The following PRUNE2 variants were observed in gnomAD, a reference collection of about 807,000 sequenced individuals.
PRUNE2 encodes the protein protein prune homolog 2.
Under a neutral mutation model 252.0 loss-of-function variants are expected in PRUNE2, and 164 were observed. The ratio of observed to expected loss-of-function variants is 0.65; its 90% CI spans 0.57 to 0.74. The LOEUF (loss-of-function observed/expected upper bound fraction) is 0.74. PRUNE2 is among the 30% of genes least tolerant of loss of function. The pLI is 0.00. For missense variants in PRUNE2, 3,495 were observed against 3,711.0 expected, an observed-to-expected ratio of 0.94 and a Z score of 1.51; for synonymous variants, 1,292 against 1,350.2, an observed-to-expected ratio of 0.96 and a Z score of 0.94.
Position 76,708,049 on chromosome 9 carries a change from T to C in PRUNE2, c.4225A>G (p.Asn1409Asp), listed in dbSNP as rs1348712289. ...EVLEYEEGSYNLDSRDVQTGM... is the reference protein window; with the variant it reads ...EVLEYEEGSYDLDSRDVQTGM... ...GTTTGCACATCACGGGAGTCTAGAT[T>C]GTAAGACCCCTCCTCATACTCTAAA... Residue 1409 changes from asparagine to aspartate, a missense_variant, in exon 8 of 19, where the codon AAT becomes GAT. Physicochemically the swap from Asn to Asp is conservative, Grantham distance 23. Transcript: ENST00000376718. The C allele has an allele frequency of 6.2e-7, 1 of 1,614,000 alleles. No individual in the cohort carries two copies. Among genetic ancestry groups the C allele is most frequent in the Non-Finnish European group, 8.5e-7 (1 of 1,179,894 alleles).
At chr9:76,731,028 C>T (rs1370018472) in intron 6 of PRUNE2, among the ~76,000 whole-genome samples, 1 of 152,062 alleles carries the variant, frequency 6.6e-6, no homozygotes, top group Non-Finnish European at 1.5e-5. Context: ...TGCAGGATCT[C>T]AATATGATAG....
chr9:76,713,713 T>TA lies in PRUNE2; in HGVS notation c.764dup (p.Phe256IlefsTer8), dbSNP rs756726807. 1.1e-5 allele frequency: 18 copies of TA among 1,591,620 alleles called. No individual in the cohort carries two copies. Among genetic ancestry groups the TA allele is most frequent in the Non-Finnish European group, 1.5e-5 (17 of 1,168,556 alleles). On this transcript the variant is annotated frameshift_variant, in exon 7 of 19. Transcript: ENST00000376718. LOFTEE classifies it high-confidence loss of function. ...AGTCACTGGTAATATTGCTGTGAAA[T>TA]AGACAATTCTGAAACGACAACAGGA...
rs541648177 is a variant in PRUNE2, at chr9:76,760,734, A to C, written c.757-47013T>G. Among the ~76,000 whole-genome samples, 3 of 152,276 alleles carry C rather than the reference A, an allele frequency of 2.0e-5. No individual in the cohort carries two copies. In the South Asian group the frequency reaches 6.2e-4, roughly 32 times the overall value. ...ACTCACTCTACTTCAACCAAGCCGA[A>C]AACCCTGGCTCTCTACATGCATCTT... On this transcript the variant is annotated intron_variant, in intron 6 of 18. Coordinates refer to ENST00000376718, the MANE Select transcript of PRUNE2 (RefSeq NM_015225.3).
At chr9:76,654,699 T>TA (rs1314271358) in intron 10 of PRUNE2, among the ~76,000 whole-genome samples, 1 of 152,230 alleles carries the variant, frequency 6.6e-6, no homozygotes, top group African/African-American at 2.4e-5. Context: ...CAAATAAACA[T>TA]ACTGTGGTTA....
At chr9:76,892,775 A>T (rs2062563366) in intron 1 of PRUNE2, among the ~76,000 whole-genome samples, 1 of 152,146 alleles carries the variant, frequency 6.6e-6, no homozygotes, top group Non-Finnish European at 1.5e-5. Flanking sequence ...TTTAGTTTTA[A>T]TTTTTTCTTT....
intron 9 of PRUNE2, among the ~76,000 whole-genome samples, chr9:76,693,734 G>A (rs1409667688): frequency 1.3e-5 from 2 of 152,110 alleles, no homozygotes; most frequent in African/African-American, 2.4e-5. Context: ...GAGCCACTGC[G>A]CCCGGCCTTA....
chr9:76,746,707 G>A (rs1447916333), intron 6 of PRUNE2, among the ~76,000 whole-genome samples: 13 of 56,626 alleles, frequency 2.3e-4, no homozygotes, highest in Admixed American at 3.3e-4. Flanking sequence ...GCGAGACTCC[G>A]TCTCAAAAAA....
In PRUNE2 at chr9:76,707,612, T is replaced by C; in HGVS notation, c.4662A>G (p.Ser1554=). The C allele has an allele frequency of 6.2e-7, 1 of 1,613,972 alleles. No homozygotes were observed. The highest frequency in any genetic ancestry group is 8.5e-7 in the Non-Finnish European group (1 of 1,179,878). Residue 1554 remains serine (S), a synonymous_variant, in exon 8 of 19, where the codon TCA becomes TCG. Transcript: ENST00000376718. ...SASSPELNDS[S]VALSSWGQQP... ...GCTGGCCCCAGGAGGACAGTGCAAC[T>C]GAAGAGTCATTTAACTCAGGACTTG...
At chr9:76,781,261 C>A (rs2054362172) in intron 6 of PRUNE2, among the ~76,000 whole-genome samples, 1 of 152,102 alleles carries the variant, frequency 6.6e-6, no homozygotes, top group South Asian at 2.1e-4. Flanking sequence ...AGTGGCTTCC[C>A]TTGAACTTAA....
At chr9:76,769,102 T>G (rs575295068) in intron 6 of PRUNE2, among the ~76,000 whole-genome samples, 2 of 152,332 alleles carry the variant, frequency 1.3e-5, no homozygotes, top group East Asian at 3.9e-4. Context: ...TTGAGAGATA[T>G]TCTTAGAATC....
rs114207355 is a variant in PRUNE2 at position 76,866,089 on chromosome 9, T to C, written c.37-11881A>G. ...AAATATCTCAAGCAGTGTGTACAGG[T>C]ACACTATTGAACTCTACCAAAACAT... On this transcript the variant is annotated intron_variant, in intron 1 of 18. Transcript: ENST00000376718. Among the ~76,000 whole-genome samples, 1,363 of 152,338 alleles carry C rather than the reference T, an allele frequency of 8.9e-3. 27 individuals carry two copies. Among genetic ancestry groups the C allele is most frequent in the African/African-American group, 0.032 (1,310 of 41,578 alleles).
chr9:76,700,703 TG>T (rs1465374685), intron 9 of PRUNE2, among the ~76,000 whole-genome samples: 1 of 152,232 alleles, frequency 6.6e-6, no homozygotes, highest in Non-Finnish European at 1.5e-5. Flanking sequence ...AATATTCTCA[TG>T]GGCTCCTTAA....
chr9:76,786,162 G>C (rs985439210), intron 6 of PRUNE2: 1 of 152,176 alleles, frequency 6.6e-6, no homozygotes, highest in Non-Finnish European at 1.5e-5. Flanking sequence ...CATTTACCAG[G>C]TTTGGAGAGG....
intron 6 of PRUNE2, among the ~76,000 whole-genome samples, chr9:76,763,044 G>A (rs764326384): frequency 5.9e-5 from 9 of 152,024 alleles, no homozygotes; most frequent in African/African-American, 1.4e-4. Flanking sequence ...CTCCCACCTC[G>A]TGCACCATCT....
chr9:76,708,134 T>C lies in PRUNE2; in HGVS notation c.4140A>G (p.Ser1380=). Reference sequence around the variant, plus strand: ...TGACAGCAAGAGAGCTGATTTTGCCTGATTTAATGCAGATTTCCTGATGTT... The same window carrying C: ...TGACAGCAAGAGAGCTGATTTTGCCCGATTTAATGCAGATTTCCTGATGTT... ...ASEHQEICIK[S]GKISSLAVTF... is the part of the protein sequence containing the mutation. The change falls in exon 8 of 19, where the codon TCA becomes TCG. Residue 1380 remains serine, a synonymous_variant. Coordinates refer to ENST00000376718, the MANE Select transcript of PRUNE2 (RefSeq NM_015225.3). The C allele has an allele frequency of 6.2e-7, 1 of 1,613,996 alleles. No homozygotes were observed. The highest frequency in any genetic ancestry group is 1.3e-5 in the African/African-American group (1 of 75,046).
At chr9:76,628,444 G>A (rs541251181) in intron 16 of PRUNE2, among the ~76,000 whole-genome samples, 16 of 152,264 alleles carry the variant, frequency 1.1e-4, no homozygotes, top group African/African-American at 3.8e-4. Context: ...AAGAAACAGA[G>A]AAAGAGTTAT....
intron 1 of PRUNE2, among the ~76,000 whole-genome samples, chr9:76,873,227 T>G (rs1387534723): frequency 1.3e-5 from 2 of 152,194 alleles, no homozygotes; most frequent in African/African-American, 4.8e-5. Context: ...TTTGGTGGTT[T>G]GTTATATCAG....
intron 4 of PRUNE2, among the ~76,000 whole-genome samples, chr9:76,830,975 G>T (rs1285013823): frequency 1.3e-5 from 2 of 150,772 alleles, no homozygotes; most frequent in African/African-American, 2.4e-5. Flanking sequence ...TGTTGCCCAG[G>T]CTGGAGTGCA....
intron 1 of PRUNE2, among the ~76,000 whole-genome samples, chr9:76,875,684 T>C (rs570084129): frequency 2.0e-5 from 3 of 151,244 alleles, no homozygotes; most frequent in Non-Finnish European, 4.4e-5. Context: ...TTTAGCCACC[T>C]GTGTGAGTCC....
Sources: allele counts gnomAD v4.1 joint callset (sites outside exome capture counted in the v4.1 genomes callset), GRCh38; gene constraint gnomAD v4.1.1; transcripts MANE v1.5; gene names NCBI Gene and HGNC (gene_info 2026-07-23, HGNC 2026-07-21).